Variants in THSD4 observed in about 807,000 individuals in gnomAD.
THSD4 encodes thrombospondin type 1 domain containing 4.
A neutral mutation model predicts 119.0 loss-of-function variants in THSD4; 69 were observed. That is an observed-to-expected ratio of 0.58 (90% CI 0.48 to 0.71). The LOEUF (loss-of-function observed/expected upper bound fraction) is 0.71, where lower values mean the gene tolerates loss of function less well. Ranked by LOEUF, THSD4 falls within the 30% of genes least tolerant of loss-of-function variation. The pLI is 0.00. For synonymous variants in THSD4, 524 were observed against 540.4 expected (o/e 0.97, Z 0.42); for missense variants, 1,393 against 1,391.1 (o/e 1.00, Z -0.02).
intron 6 of THSD4, among the ~76,000 whole-genome samples, chr15:71,402,029 A>G (rs1443464101): frequency 6.7e-6 from 1 of 148,636 alleles, no homozygotes; most frequent in African/African-American, 2.5e-5. Flanking sequence ...GCATGTTCTC[A>G]CTCATAGGTG....
At chr15:71,139,608 A>G (rs2040583287) in intron 1 of THSD4, among the ~76,000 whole-genome samples, 1 of 152,248 alleles carries the variant, frequency 6.6e-6, no homozygotes, top group Non-Finnish European at 1.5e-5. Flanking sequence ...GGATGATTAC[A>G]GTTAAGAGGC....
chr15:71,636,884 T>G (rs2050755195), intron 7 of THSD4, among the ~76,000 whole-genome samples: 1 of 151,872 alleles, frequency 6.6e-6, no homozygotes, highest in Non-Finnish European at 1.5e-5. Context: ...TCTCAATATT[T>G]TTTTCTTTTT....
At chr15:71,636,518 A>C (rs1016158096) in intron 7 of THSD4, among the ~76,000 whole-genome samples, 2 of 152,212 alleles carry the variant, frequency 1.3e-5, no homozygotes, top group Non-Finnish European at 2.9e-5. Context: ...GAGATACTCA[A>C]AGTGTTAGTT....
intron 3 of THSD4, among the ~76,000 whole-genome samples, chr15:71,212,901 G>T (rs539294469): frequency 1.2e-3 from 180 of 152,314 alleles, no homozygotes; most frequent in African/African-American, 4.3e-3. Context: ...GTGTCACAGA[G>T]CCGGGCCATT....
intron 2 of THSD4, among the ~76,000 whole-genome samples, chr15:71,152,996 TCTC>T (rs1160195119): frequency 3.3e-5 from 5 of 152,088 alleles, no homozygotes; most frequent in Non-Finnish European, 7.4e-5. Context: ...AAACATAACA[TCTC>T]CTGCCCCTCC....
rs143624109 is a variant in THSD4 at position 71,386,474 on chromosome 15, A to G, written c.1016-25213A>G. Among the ~76,000 whole-genome samples the G allele has an allele frequency of 3.4e-3, 512 of 152,280 alleles. 6 individuals are homozygous for G. The highest frequency in any genetic ancestry group is 0.026 in the South Asian group (127 of 4,826). ...TGCTGCAAATACCATGACAATAGAG[A>G]CCACTGGGAACCTCAGAGAAAAGGG... On this transcript the variant is annotated intron_variant, in intron 6 of 17. Transcript: ENST00000261862.
intron 7 of THSD4, among the ~76,000 whole-genome samples, chr15:71,635,028 C>G (rs561493823): frequency 6.6e-6 from 1 of 152,192 alleles, no homozygotes; most frequent in Non-Finnish European, 1.5e-5. Context: ...TTCCTGCCAT[C>G]GCATGGCCTC....
At chr15:71,411,955 GGGA>G in intron 7 of THSD4, 132 bp downstream of exon 7, 2 of 1,214,248 alleles carry the variant, frequency 1.6e-6, no homozygotes, top group South Asian at 3.1e-5. Context: ...CATGCGCTCT[GGGA>G]GGAGTGGGCT....
In THSD4 at chr15:71,371,499, G is replaced by T. The variant is rs975432834; in HGVS notation, c.1016-40188G>T. On this transcript the variant is annotated intron_variant, in intron 6 of 17. Coordinates refer to ENST00000261862, the MANE Select transcript of THSD4 (RefSeq NM_024817.3). ...GTGGTGACAAAATCTCTCAGCATTT[G>T]CTTGTCTGTAAAGGATTTTATTTCT... Among the ~76,000 whole-genome samples the T allele has an allele frequency of 2.6e-5, 4 of 152,252 alleles. No individual in the cohort carries two copies. The East Asian group carries it at 5.8e-4, about 22-fold the overall frequency.
chr15:71,698,787 G>T (rs962985699), intron 8 of THSD4, among the ~76,000 whole-genome samples: 2 of 151,700 alleles, frequency 1.3e-5, no homozygotes, highest in Admixed American at 1.3e-4. Context: ...GAACCTGAAG[G>T]ACATTATGCC....
intron 6 of THSD4, among the ~76,000 whole-genome samples, chr15:71,402,786 A>G (rs2140487589): frequency 6.6e-6 from 1 of 152,286 alleles, no homozygotes; most frequent in Middle Eastern, 3.4e-3. Context: ...CTGGATTGGC[A>G]GGTAGGGGTA....
chr15:71,603,752 G>C (rs2050057434), intron 7 of THSD4, among the ~76,000 whole-genome samples: 1 of 150,064 alleles, frequency 6.7e-6, no homozygotes, highest in South Asian at 2.1e-4. Context: ...GGGAGAATTT[G>C]AATTTGACGC....
intron 6 of THSD4, among the ~76,000 whole-genome samples, chr15:71,382,463 T>C (rs1361092898): frequency 6.6e-6 from 1 of 152,206 alleles, no homozygotes; most frequent in East Asian, 1.9e-4. Flanking sequence ...CCTTTTATAA[T>C]ACGCATCTTC....
intron 7 of THSD4, among the ~76,000 whole-genome samples, chr15:71,425,231 A>C (rs184512845): frequency 3.9e-4 from 60 of 152,326 alleles, no homozygotes; most frequent in African/African-American, 1.3e-3. Context: ...AGGTATTATT[A>C]ATCCCCATTT....
At chr15:71,272,269 C>T (rs2044539083) in intron 6 of THSD4, among the ~76,000 whole-genome samples, 1 of 151,136 alleles carries the variant, frequency 6.6e-6, no homozygotes, top group Admixed American at 6.6e-5. Flanking sequence ...GGTGTGGTGG[C>T]ACGCACCTGT....
At chr15:71,619,752 A>G (rs1345011071) in intron 7 of THSD4, among the ~76,000 whole-genome samples, 1 of 152,258 alleles carries the variant, frequency 6.6e-6, no homozygotes, top group Non-Finnish European at 1.5e-5. Context: ...TGTTTCAGAT[A>G]GAACTTTATT....
intron 6 of THSD4, among the ~76,000 whole-genome samples, chr15:71,318,948 T>A (rs1231939735): frequency 2.0e-5 from 3 of 152,186 alleles, no homozygotes; most frequent in Non-Finnish European, 4.4e-5. Context: ...ATAATTTGTT[T>A]TATTTCTCAG....
chr15:71,668,862 T>C (rs778778497), intron 8 of THSD4, among the ~76,000 whole-genome samples: 3 of 152,182 alleles, frequency 2.0e-5, no homozygotes, highest in Non-Finnish European at 2.9e-5. Context: ...GCATGAAAGA[T>C]AAGGCCCAAG....
At chr15:71,554,179 T>C (rs2048979951) in intron 7 of THSD4, among the ~76,000 whole-genome samples, 1 of 145,782 alleles carries the variant, frequency 6.9e-6, no homozygotes, top group African/African-American at 2.5e-5. Flanking sequence ...AAGCTCCGCC[T>C]CCTGGGTTCA....
Sources: gnomAD v4.1 joint callset for allele counts (sites outside exome capture counted in the v4.1 genomes callset) on GRCh38, gnomAD v4.1.1 for gene constraint, MANE v1.5 for transcripts, NCBI Gene and HGNC (gene_info 2026-07-23, HGNC 2026-07-21) for gene names.